SH3BGRL2: variants seen among roughly 807,000 people sequenced by gnomAD.
SH3BGRL2 encodes the protein SH3 domain-binding glutamic acid-rich-like protein 2.
Under a neutral mutation model 14.8 loss-of-function variants are expected in SH3BGRL2, and 21 were observed. The observed-to-expected ratio is 1.42, with a 90% CI of 1.01 to 2.05. The LOEUF (loss-of-function observed/expected upper bound fraction) is 2.05, where lower values mean the gene tolerates loss of function less well. Ranked by LOEUF, SH3BGRL2 falls within the 30% of genes most tolerant of loss-of-function variation. The pLI is 0.00. For missense variants in SH3BGRL2, 147 were observed against 130.8 expected (o/e 1.12, Z -0.61); for synonymous variants, 50 against 47.8 (o/e 1.05, Z -0.19).
intron 1 of SH3BGRL2, among the ~76,000 whole-genome samples, chr6:79,658,781 T>A (rs1303450168): frequency 6.6e-6 from 1 of 152,192 alleles, no homozygotes. Flanking sequence ...CGTTCCTATT[T>A]CTCCATATCC....
intron 1 of SH3BGRL2, among the ~76,000 whole-genome samples, chr6:79,665,206 A>G (rs1769633798): frequency 6.6e-6 from 1 of 152,208 alleles, no homozygotes; most frequent in African/African-American, 2.4e-5. Context: ...TCTCTAAATA[A>G]ATAAAAAAAT....
intron 1 of SH3BGRL2, among the ~76,000 whole-genome samples, chr6:79,671,686 GGCTTCC>G (rs1769776198): frequency 6.6e-6 from 1 of 152,176 alleles, no homozygotes; most frequent in South Asian, 2.1e-4. Flanking sequence ...TGCTCTTGAT[GGCTTCC>G]TGTTACCGCA....
chr6:79,601,424 G>A, the SH3BGRL2 span, among the ~76,000 whole-genome samples: 2 of 152,140 alleles, frequency 1.3e-5, no homozygotes, highest in South Asian at 4.1e-4. Flanking sequence ...TCCCACTCCT[G>A]GGCTCAAGTC....
the SH3BGRL2 span, among the ~76,000 whole-genome samples, chr6:79,539,595 A>G: frequency 6.6e-6 from 1 of 152,220 alleles, no homozygotes; most frequent in Non-Finnish European, 1.5e-5. Context: ...TTTCTGTAGG[A>G]CTTTGATTGG....
the SH3BGRL2 span, among the ~76,000 whole-genome samples, chr6:79,544,232 C>T: frequency 1.2e-4 from 18 of 152,158 alleles, no homozygotes; most frequent in East Asian, 3.3e-3. Context: ...CAAAATCAAG[C>T]GGGTTGGACA....
chr6:79,635,806 C>T (rs1768911243), intron 1 of SH3BGRL2, among the ~76,000 whole-genome samples: 1 of 152,226 alleles, frequency 6.6e-6, no homozygotes. Context: ...GGAAACCATG[C>T]TCAGAGTTGT....
Position 79,699,882 on chromosome 6 carries a change from C to G in SH3BGRL2, c.*373C>G, listed in dbSNP as rs1349054838. On this transcript the variant is annotated 3_prime_UTR_variant, in exon 4 of 4. Coordinates refer to ENST00000369838, the MANE Select transcript of SH3BGRL2 (RefSeq NM_031469.4). Reference sequence around the variant, plus strand: ...GCCGGAATTGCGTAAACCCACTTCTCTTTAAGCTGCCTGGATTGCACCTTT... The same window carrying G: ...GCCGGAATTGCGTAAACCCACTTCTGTTTAAGCTGCCTGGATTGCACCTTT... The G allele has an allele frequency of 8.4e-6, 2 of 239,466 alleles. No homozygotes were observed. The highest frequency in any genetic ancestry group is 8.2e-5 in the East Asian group (1 of 12,124). 14.8% of individuals were successfully genotyped at this position (239,466 alleles called of 1,614,324 possible).
At chr6:79,546,223 G>A in the SH3BGRL2 span, among the ~76,000 whole-genome samples, 13 of 152,212 alleles carry the variant, frequency 8.5e-5, no homozygotes, top group African/African-American at 2.6e-4. Context: ...ATAATATTTG[G>A]ATGAATTAAC....
chr6:79,590,078 G>GTATT, the SH3BGRL2 span, among the ~76,000 whole-genome samples: 1 of 151,984 alleles, frequency 6.6e-6, no homozygotes, highest in Non-Finnish European at 1.5e-5. Flanking sequence ...AGGCTGAATA[G>GTATT]TATTTTTTAT....
At chr6:79,620,926 G>GT in the SH3BGRL2 span, among the ~76,000 whole-genome samples, 1 of 152,054 alleles carries the variant, frequency 6.6e-6, no homozygotes, top group Non-Finnish European at 1.5e-5. Context: ...GCTTTTAAAA[G>GT]TTTTTTTAAG....
chr6:79,624,634 C>G, the SH3BGRL2 span, among the ~76,000 whole-genome samples: 6 of 151,914 alleles, frequency 3.9e-5, no homozygotes, highest in Non-Finnish European at 7.4e-5. Context: ...GAACTGCACA[C>G]AAGGGCTTCA....
At chr6:79,607,441 C>A in the SH3BGRL2 span, among the ~76,000 whole-genome samples, 2 of 152,154 alleles carry the variant, frequency 1.3e-5, no homozygotes, top group Non-Finnish European at 2.9e-5. Context: ...TTCATTATCA[C>A]CATCTCCCTC....
At chr6:79,635,125 G>C (rs561980336) in intron 1 of SH3BGRL2, among the ~76,000 whole-genome samples, 1 of 152,260 alleles carries the variant, frequency 6.6e-6, no homozygotes, top group South Asian at 2.1e-4. Context: ...GCCTGGCAGT[G>C]GGGGAGCCCT....
chr6:79,690,786 T>G (rs1174857749), intron 2 of SH3BGRL2, among the ~76,000 whole-genome samples: 1 of 152,156 alleles, frequency 6.6e-6, no homozygotes, highest in Non-Finnish European at 1.5e-5. Context: ...GCATGGTGGC[T>G]CACGCCTGTC....
the SH3BGRL2 span, among the ~76,000 whole-genome samples, chr6:79,550,957 A>G: frequency 6.6e-6 from 1 of 152,180 alleles, no homozygotes; most frequent in African/African-American, 2.4e-5. Context: ...TCACAAAACC[A>G]GCGAAGATTT....
At chr6:79,644,833 A>G (rs1412807154) in intron 1 of SH3BGRL2, among the ~76,000 whole-genome samples, 1 of 152,128 alleles carries the variant, frequency 6.6e-6, no homozygotes, top group African/African-American at 2.4e-5. Flanking sequence ...AGATTTAATT[A>G]AGGAAAAAAT....
At chr6:79,681,477 C>A (rs1769986915) in intron 2 of SH3BGRL2, among the ~76,000 whole-genome samples, 1 of 152,074 alleles carries the variant, frequency 6.6e-6, no homozygotes, top group Non-Finnish European at 1.5e-5. Context: ...TAATTGAGGC[C>A]TGAAAGTAGG....
chr6:79,560,230 G>T, the SH3BGRL2 span, among the ~76,000 whole-genome samples: 1 of 152,154 alleles, frequency 6.6e-6, no homozygotes, highest in Non-Finnish European at 1.5e-5. Flanking sequence ...ATTGTGATTA[G>T]TGAAAGGGGA....
At chr6:79,564,123 CAATT>C in the SH3BGRL2 span, among the ~76,000 whole-genome samples, 3 of 149,172 alleles carry the variant, frequency 2.0e-5, no homozygotes, top group African/African-American at 5.0e-5. Context: ...AGTAGTGAAA[CAATT>C]AATAAAACTC....
Sources: gnomAD v4.1 joint callset for allele counts (sites outside exome capture counted in the v4.1 genomes callset) on GRCh38, gnomAD v4.1.1 for gene constraint, MANE v1.5 for transcripts, NCBI Gene and HGNC (gene_info 2026-07-23, HGNC 2026-07-21) for gene names.